The following ZNF618 variants were observed in gnomAD, a reference collection of about 807,000 sequenced individuals.
ZNF618 encodes the protein neural precursor cell expressed, developmentally down-regulated 10.
In ZNF618, 34 loss-of-function variants were observed where a neutral mutation model predicts 103.0. The ratio of observed to expected loss-of-function variants is 0.33; its 90% CI spans 0.25 to 0.44. ZNF618 has a LOEUF of 0.44. Among genes scored for constraint, ZNF618 ranks in the 20% least tolerant of loss-of-function variants. The pLI is 1.00. For missense variants in ZNF618, 1,059 were observed against 1,295.4 expected (o/e 0.82, Z 2.80); for synonymous variants, 551 against 542.2 (o/e 1.02, Z -0.23).
intron 1 of ZNF618, among the ~76,000 whole-genome samples, chr9:113,907,723 A>C (rs1012505100): frequency 2.6e-5 from 4 of 152,150 alleles, no homozygotes; most frequent in Non-Finnish European, 5.9e-5. Context: ...GTACAGTTGA[A>C]TGTCTAACCA....
At chr9:113,991,277 A>G (rs1588261073) in intron 3 of ZNF618, among the ~76,000 whole-genome samples, 1 of 152,312 alleles carries the variant, frequency 6.6e-6, no homozygotes, top group East Asian at 1.9e-4. Flanking sequence ...CCTGTGTTAC[A>G]TGAGGCATGG....
intron 11 of ZNF618, among the ~76,000 whole-genome samples, chr9:114,031,942 A>T (rs1251513365): frequency 1.3e-5 from 2 of 152,126 alleles, no homozygotes; most frequent in African/African-American, 2.4e-5. Context: ...ATGGTTTTCC[A>T]CCTGGTTGGA....
At chr9:113,930,453 A>ATT (rs369079365) in intron 1 of ZNF618, among the ~76,000 whole-genome samples, 1 of 151,438 alleles carries the variant, frequency 6.6e-6, no homozygotes, top group Non-Finnish European at 1.5e-5. Context: ...GGGGGCGCCT[A>ATT]TTTTTTTTTA....
intron 1 of ZNF618, among the ~76,000 whole-genome samples, chr9:113,893,616 T>G (rs2131072520): frequency 1.3e-5 from 2 of 152,284 alleles, no homozygotes; most frequent in East Asian, 3.9e-4. Context: ...TTTGTCTTCC[T>G]AATGACAAAG....
intron 2 of ZNF618, among the ~76,000 whole-genome samples, chr9:113,976,797 A>C (rs949023830): frequency 1.2e-4 from 18 of 152,020 alleles, no homozygotes; most frequent in African/African-American, 4.4e-4. Flanking sequence ...AACTTTTCAC[A>C]TTTTGTCTGG....
At chr9:113,914,052 C>T (rs187980125) in intron 1 of ZNF618, among the ~76,000 whole-genome samples, 232 of 152,250 alleles carry the variant, frequency 1.5e-3, no homozygotes, top group Admixed American at 2.7e-3. Flanking sequence ...CCTCCCCCAA[C>T]CTGGACCACC....
At chr9:113,974,197 G>C (rs1281949012) in intron 2 of ZNF618, among the ~76,000 whole-genome samples, 1 of 152,186 alleles carries the variant, frequency 6.6e-6, no homozygotes, top group Non-Finnish European at 1.5e-5. Context: ...TGGGAGAGCC[G>C]GAGACAGTGT....
At position 114,055,652 on chromosome 9, in the gene ZNF618, C is replaced by G. The variant is rs774033417; in HGVS notation, c.*5485C>G. 6.8e-5 allele frequency: 10 copies of G among 146,930 alleles called. No homozygotes were observed. Among genetic ancestry groups the G allele is most frequent in the Admixed American group, 2.8e-4 (4 of 14,462 alleles). The allele number at this position is 146,930 out of a possible 1,614,324, so 9.1% of individuals were successfully genotyped here. Reference sequence around the variant, plus strand: ...AGTAGTTAAGACGTTCTAGGCAATACCATAGACACATCTGACTGTGTCTCT... The same window carrying G: ...AGTAGTTAAGACGTTCTAGGCAATAGCATAGACACATCTGACTGTGTCTCT... On this transcript the variant is annotated 3_prime_UTR_variant, in exon 15 of 15. Coordinates refer to ENST00000374126, the MANE Select transcript of ZNF618 (RefSeq NM_001318042.2).
chr9:113,883,200 C>T (rs762479762), intron 1 of ZNF618, among the ~76,000 whole-genome samples: 4 of 152,196 alleles, frequency 2.6e-5, no homozygotes, highest in Non-Finnish European at 5.9e-5. Flanking sequence ...GAGCCCGAGG[C>T]ACATTTTCTT....
At chr9:113,900,419 C>A (rs1309190521) in intron 1 of ZNF618, among the ~76,000 whole-genome samples, 1 of 152,152 alleles carries the variant, frequency 6.6e-6, no homozygotes, top group Non-Finnish European at 1.5e-5. Context: ...CAGTAGTTAA[C>A]CTCATCACTA....
chr9:113,882,487 C>G (rs1828617763), intron 1 of ZNF618, among the ~76,000 whole-genome samples: 1 of 152,184 alleles, frequency 6.6e-6, no homozygotes, highest in Admixed American at 6.5e-5. Flanking sequence ...CAGGGATTCT[C>G]CATTTGGGGA....
At chr9:113,945,121 A>G (rs1238794712) in intron 1 of ZNF618, among the ~76,000 whole-genome samples, 1 of 152,058 alleles carries the variant, frequency 6.6e-6, no homozygotes, top group Non-Finnish European at 1.5e-5. Flanking sequence ...CTGTCCTGCC[A>G]GGCTGGCCTT....
chr9:113,963,330 TA>T (rs1401241708), intron 1 of ZNF618, among the ~76,000 whole-genome samples: 1 of 152,222 alleles, frequency 6.6e-6, no homozygotes, highest in Non-Finnish European at 1.5e-5. Context: ...TACTAACATA[TA>T]AAAATATATG....
chr9:113,949,567 C>T (rs1369725613), intron 1 of ZNF618, among the ~76,000 whole-genome samples: 4 of 152,178 alleles, frequency 2.6e-5, no homozygotes, highest in Admixed American at 2.6e-4. Flanking sequence ...GAGAATGTTC[C>T]TCTTCATCCT....
chr9:113,984,047 A>G (rs1287587966), intron 2 of ZNF618, among the ~76,000 whole-genome samples: 1 of 152,176 alleles, frequency 6.6e-6, no homozygotes, highest in East Asian at 1.9e-4. Flanking sequence ...GAGGCGCACA[A>G]CACTCCCGAG....
rs555336947 is a variant in ZNF618 at position 113,926,416 on chromosome 9, T to C, written c.34-42701T>C. Among the ~76,000 whole-genome samples, 25 of 152,146 alleles carry C rather than the reference T, an allele frequency of 1.6e-4. 1 individual carries two copies. In the South Asian group the frequency reaches 3.9e-3, roughly 24 times the overall value. On this transcript the variant is annotated intron_variant, in intron 1 of 14. Coordinates refer to ENST00000374126, the MANE Select transcript of ZNF618 (RefSeq NM_001318042.2). ...TCCTGGATCTGTGGTTTTGTGTCTG[T>C]CATTAATTTTGGAAAATTCTCAGCC...
chr9:114,047,660 TTA>T (rs1845775636), intron 13 of ZNF618, among the ~76,000 whole-genome samples: 1 of 152,206 alleles, frequency 6.6e-6, no homozygotes, highest in Non-Finnish European at 1.5e-5. Context: ...TTAGCTCTTG[TTA>T]GTCTTACCAG....
chr9:113,905,536 A>G (rs1830913674), intron 1 of ZNF618, among the ~76,000 whole-genome samples: 1 of 152,158 alleles, frequency 6.6e-6, no homozygotes, highest in Non-Finnish European at 1.5e-5. Context: ...AACCTAAAAT[A>G]TTTATTTTGT....
At chr9:114,023,653 G>T (rs1843252734) in intron 10 of ZNF618, among the ~76,000 whole-genome samples, 1 of 151,686 alleles carries the variant, frequency 6.6e-6, no homozygotes, top group Non-Finnish European at 1.5e-5. Context: ...TATATTGTAG[G>T]TCTATTGGTG....
Sources: gnomAD v4.1 joint callset for allele counts (sites outside exome capture counted in the v4.1 genomes callset) on GRCh38, gnomAD v4.1.1 for gene constraint, MANE v1.5 for transcripts, NCBI Gene and HGNC (gene_info 2026-07-23, HGNC 2026-07-21) for gene names.